Variants in NCOR2 observed in about 807,000 individuals in gnomAD.
The protein encoded by NCOR2 is nuclear receptor corepressor 2, also known as CTG repeat protein 26.
In NCOR2, 81 loss-of-function variants were observed where a neutral mutation model predicts 262.9. The ratio of observed to expected loss-of-function variants is 0.31; its 90% CI spans 0.26 to 0.37. The LOEUF (loss-of-function observed/expected upper bound fraction) is 0.37, where lower values mean the gene tolerates loss of function less well. Ranked by LOEUF, NCOR2 falls within the 10% of genes least tolerant of loss-of-function variation. The pLI, the probability that NCOR2 is intolerant of heterozygous loss-of-function variation, is 1.00. For synonymous variants in NCOR2, 1,659 were observed against 1,559.3 expected (o/e 1.06, Z -1.51); for missense variants, 3,385 against 3,621.4 (o/e 0.93, Z 1.68).
chr12:124,489,686 A>AAT (rs1308961529), intron 1 of NCOR2, among the ~76,000 whole-genome samples: 2 of 152,206 alleles, frequency 1.3e-5, no homozygotes, highest in Non-Finnish European at 2.9e-5. Flanking sequence ...CAGGGCCACC[A>AAT]ATAAATTACA....
chr12:124,370,641 C>T (rs545561780), intron 20 of NCOR2, among the ~76,000 whole-genome samples: 2 of 152,226 alleles, frequency 1.3e-5, no homozygotes, highest in Non-Finnish European at 2.9e-5. Flanking sequence ...CTCTGCCAAC[C>T]GAGATTGGCC....
intron 17 of NCOR2, among the ~76,000 whole-genome samples, chr12:124,381,111 C>G (rs990770583): frequency 2.6e-5 from 4 of 152,158 alleles, no homozygotes; most frequent in Admixed American, 1.3e-4. Flanking sequence ...AAGTCCTCCC[C>G]CTATCCATAT....
At chr12:124,395,811 C>T (rs918707196) in intron 16 of NCOR2, among the ~76,000 whole-genome samples, 2 of 152,000 alleles carry the variant, frequency 1.3e-5, no homozygotes, top group African/African-American at 4.8e-5. Flanking sequence ...GCGGAGTCCT[C>T]CGATGGGTGG....
chr12:124,368,784 C>T (rs367636640), intron 20 of NCOR2, among the ~76,000 whole-genome samples: 2 of 152,270 alleles, frequency 1.3e-5, no homozygotes, highest in Non-Finnish European at 2.9e-5. Context: ...CCACTCATCC[C>T]GTAAACAATG....
intron 28 of NCOR2, chr12:124,348,945 CG>C (rs1450173283): frequency 6.5e-6 from 1 of 153,256 alleles, no homozygotes; most frequent in Non-Finnish European, 1.5e-5. Flanking sequence ...GGCACATGCA[CG>C]TGAGCCTGGC....
chr12:124,389,500 CAG>C lies in NCOR2; in HGVS notation c.1877-3615_1877-3614del, dbSNP rs2041109658. ...AGAACAGATGAGGGTTCCAGAAAAA[CAG>C]AGCTTCTCCACCCCCGGCAGACAGG... On this transcript the variant is annotated intron_variant, in intron 16 of 46. Transcript: ENST00000405201. The surrounding 1 kb of genome is among the most constrained non-coding windows in gnomAD (Gnocchi z 4.4). Among the ~76,000 whole-genome samples the C allele has an allele frequency of 6.6e-6, 1 of 152,050 alleles. No homozygotes were observed. The highest frequency in any genetic ancestry group is 2.4e-5 in the African/African-American group (1 of 41,396).
At chr12:124,529,368 G>A (rs1593994625) in intron 1 of NCOR2, among the ~76,000 whole-genome samples, 1 of 151,794 alleles carries the variant, frequency 6.6e-6, no homozygotes, top group Non-Finnish European at 1.5e-5. Context: ...CAGCTACTTG[G>A]GAGGTTGAGG....
chr12:124,401,644 G>T (rs1190914305), intron 14 of NCOR2, among the ~76,000 whole-genome samples: 2 of 152,224 alleles, frequency 1.3e-5, no homozygotes, highest in African/African-American at 4.8e-5. Context: ...GTGTGTGGGG[G>T]TGCTCACAAC....
intron 4 of NCOR2, among the ~76,000 whole-genome samples, 165 bp from the exon 7 acceptor site, chr12:124,466,451 G>T (rs143671161): frequency 6.6e-6 from 1 of 152,146 alleles, no homozygotes; most frequent in Non-Finnish European, 1.5e-5. Context: ...CTCCGCACCC[G>T]GGAGAGGCCC....
intron 22 of NCOR2, among the ~76,000 whole-genome samples, chr12:124,357,900 G>GTT (rs2038090789): frequency 1.0e-5 from 1 of 100,384 alleles, no homozygotes; most frequent in Non-Finnish European, 1.8e-5. Flanking sequence ...GGTAACCTGT[G>GTT]ATATGTGTGT....
chr12:124,406,810 G>A (rs944452666), intron 13 of NCOR2, among the ~76,000 whole-genome samples: 14 of 152,222 alleles, frequency 9.2e-5, no homozygotes, highest in Non-Finnish European at 1.9e-4. Flanking sequence ...CCCTCAGCCT[G>A]CCAGACAAGC....
Position 124,326,385 on chromosome 12 carries a change from G to A in NCOR2, c.7184-15C>T. 6.7e-7 allele frequency: 1 copy of A among 1,484,052 alleles called. No individual in the cohort carries two copies. Among genetic ancestry groups the A allele is most frequent in the East Asian group, 2.5e-5 (1 of 39,390 alleles). 91.9% of individuals were successfully genotyped at this position (1,484,052 alleles called of 1,614,324 possible). A position where few individuals can be genotyped will look rare whatever the true frequency, so the allele number is the denominator to read the frequency against. On this transcript the variant is annotated splice_polypyrimidine_tract_variant and intron_variant, in intron 45 of 46. Transcript: ENST00000405201. ...CCCGCCGCCACCTGCAGGGGGACAA[G>A]ATGGGAAGGGGCTGCGTTGGGCAGT...
At chr12:124,390,343 G>A (rs1448513803) in intron 16 of NCOR2, among the ~76,000 whole-genome samples, 1 of 152,178 alleles carries the variant, frequency 6.6e-6, no homozygotes, top group Non-Finnish European at 1.5e-5. Context: ...TCACTCGTGT[G>A]TGCCCCAGGG....
rs1409793540 is a variant in NCOR2 at position 124,356,742 on chromosome 12, AG to A, written c.3140del (p.Pro1047LeufsTer16). 3.3e-6 allele frequency: 5 copies of A among 1,495,966 alleles called. No homozygotes were observed. Among genetic ancestry groups the A allele is most frequent in the Non-Finnish European group, 4.4e-6 (5 of 1,134,714 alleles). 92.7% of individuals were successfully genotyped at this position (1,495,966 alleles called of 1,614,324 possible). ...GGAAGGGCAGGCCGGAAGTCCAGCA[AG>A]GGGGGTCCCCAGGCAGCTTCTGGGC... On this transcript the variant is annotated frameshift_variant, in exon 23 of 47. Transcript: ENST00000405201. LOFTEE classifies it high-confidence loss of function.
intron 13 of NCOR2, among the ~76,000 whole-genome samples, chr12:124,416,224 G>A (rs1471468457): frequency 4.7e-5 from 7 of 149,850 alleles, no homozygotes; most frequent in African/African-American, 1.7e-4. Flanking sequence ...TTTTTCACAG[G>A]GTAAAAAAAA....
intron 16 of NCOR2, among the ~76,000 whole-genome samples, chr12:124,397,357 G>A (rs1018546819): frequency 6.6e-5 from 10 of 152,208 alleles, no homozygotes; most frequent in African/African-American, 1.7e-4. Context: ...CGGGCAAACC[G>A]AGGCCCAGAG....
intron 20 of NCOR2, among the ~76,000 whole-genome samples, chr12:124,368,745 C>T (rs1012347541): frequency 6.6e-6 from 1 of 152,256 alleles, no homozygotes. Flanking sequence ...CCACTCTCCC[C>T]TGCTCCCCAT....
rs1441379218 is a variant in NCOR2, at chr12:124,434,921, C to T, written c.882+3009G>A. Among the ~76,000 whole-genome samples the T allele has an allele frequency of 2.6e-5, 4 of 152,320 alleles. No homozygotes were observed. In the East Asian group the frequency reaches 7.7e-4, roughly 29 times the overall value. On this transcript the variant is annotated intron_variant, in intron 8 of 46. Transcript: ENST00000405201. ...TGCCTTGTACTCTTCTGTCAAATTT[C>T]TTAGAATAAGGACTTTGGATTCTTT...
chr12:124,348,183 T>C, exon 29 of NCOR2: 1 of 1,611,376 alleles, frequency 6.2e-7, no homozygotes, highest in Non-Finnish European at 8.5e-7. Context: ...CCTTCGATGC[T>C]GGCTGAGGAG....
Sources: allele counts gnomAD v4.1 joint callset (sites outside exome capture counted in the v4.1 genomes callset), GRCh38; gene constraint gnomAD v4.1.1; non-coding constraint Gnocchi (gnomAD v3.1); transcripts MANE v1.5; gene names NCBI Gene and HGNC (gene_info 2026-07-23, HGNC 2026-07-21).